The following FER variants were observed in gnomAD, a reference collection of about 807,000 sequenced individuals.
The protein encoded by FER is FER tyrosine kinase, also known as tyrosine-protein kinase Fer.
FER carries 63 observed loss-of-function variants against 111.0 expected under a neutral mutation model. The ratio of observed to expected loss-of-function variants is 0.57; its 90% confidence interval spans 0.46 to 0.70. FER has a LOEUF of 0.70. FER is among the 30% of genes least tolerant of loss of function. The pLI is 0.00. For synonymous variants in FER, 327 were observed against 313.9 expected (o/e 1.04, Z -0.44); for missense variants, 914 against 954.0 (o/e 0.96, Z 0.55).
At chr5:108,874,918 C>T (rs1035514507) in intron 8 of FER, among the ~76,000 whole-genome samples, 4 of 151,678 alleles carry the variant, frequency 2.6e-5, no homozygotes, top group Non-Finnish European at 4.4e-5. Context: ...ATATATAAGC[C>T]CTCTTATAAA....
chr5:108,918,759 T>C (rs920123896), intron 10 of FER, among the ~76,000 whole-genome samples: 2 of 152,018 alleles, frequency 1.3e-5, no homozygotes, highest in Admixed American at 6.5e-5. Flanking sequence ...AGTGCTGGGA[T>C]TACAGGCGTG....
At chr5:108,843,248 T>C (rs1158800022) in intron 5 of FER, among the ~76,000 whole-genome samples, 1 of 152,204 alleles carries the variant, frequency 6.6e-6, no homozygotes, top group African/African-American at 2.4e-5. Flanking sequence ...GTTAATTCAT[T>C]CCTTTTTTAT....
At chr5:108,974,064 T>G (rs1473431685) in intron 13 of FER, among the ~76,000 whole-genome samples, 1 of 152,222 alleles carries the variant, frequency 6.6e-6, no homozygotes, top group Non-Finnish European at 1.5e-5. Context: ...CCCACAGCTC[T>G]TAAGCATTTT....
At chr5:108,969,609 AT>A (rs1160968356) in intron 13 of FER, among the ~76,000 whole-genome samples, 5 of 148,870 alleles carry the variant, frequency 3.4e-5, no homozygotes, top group Non-Finnish European at 7.4e-5. Flanking sequence ...TTACATTTTA[AT>A]TTTTTTGAAC....
intron 14 of FER, among the ~76,000 whole-genome samples, chr5:109,040,233 G>GTA (rs1019939510): frequency 6.6e-6 from 1 of 152,052 alleles, no homozygotes; most frequent in African/African-American, 2.4e-5. Context: ...TACAAATCTG[G>GTA]TAGTTGTTAG....
chr5:108,913,402 G>C (rs182718424), intron 10 of FER, among the ~76,000 whole-genome samples: 73 of 152,260 alleles, frequency 4.8e-4, no homozygotes, highest in African/African-American at 1.7e-3. Flanking sequence ...TCTAGTATCT[G>C]TGTGATAAAG....
chr5:108,808,728 G>C (rs6874773), intron 3 of FER, among the ~76,000 whole-genome samples: 1 of 151,892 alleles, frequency 6.6e-6, no homozygotes, highest in Non-Finnish European at 1.5e-5. Context: ...AGGTATTTTC[G>C]TTGTTGTTGT....
At chr5:108,831,124 G>GT (rs1445436126) in intron 3 of FER, among the ~76,000 whole-genome samples, 1 of 152,098 alleles carries the variant, frequency 6.6e-6, no homozygotes, top group African/African-American at 2.4e-5. Flanking sequence ...CAATTGTGTG[G>GT]TTTTTTGGCT....
At chr5:109,105,387 G>A (rs1028489937) in intron 17 of FER, among the ~76,000 whole-genome samples, 1 of 151,974 alleles carries the variant, frequency 6.6e-6, no homozygotes, top group Non-Finnish European at 1.5e-5. Flanking sequence ...TACTGAAAAT[G>A]ATTACCTAGT....
intron 10 of FER, among the ~76,000 whole-genome samples, chr5:108,936,883 C>T (rs1217403488): frequency 1.3e-5 from 2 of 151,788 alleles, no homozygotes; most frequent in Admixed American, 6.6e-5. Flanking sequence ...TCTTTTAACT[C>T]CCAAGATAGT....
In FER at chr5:108,954,774, G is replaced by A. The variant is rs775035329; in HGVS notation, c.1375G>A (p.Asp459Asn). Residue 459 changes from aspartate to asparagine, a missense_variant, in exon 12 of 20, where the codon GAC becomes AAC. By Grantham distance (23) the Asp-to-Asn change is conservative (BLOSUM62 1). Transcript: ENST00000281092. ...CAGTGAGAAGCCTTTGGCAGAACAG[G>A]ACTGGTACCATGGTGCAATTCCCAG... ...SISEKPLAEQ[D>N]WYHGAIPRIE... 1.6e-5 allele frequency: 25 copies of A among 1,611,526 alleles called. No individual in the cohort carries two copies. In the African/African-American group the frequency reaches 3.2e-4, roughly 21 times the overall value.
chr5:108,891,921 T>C (rs1261054768), intron 9 of FER, among the ~76,000 whole-genome samples: 1 of 152,206 alleles, frequency 6.6e-6, no homozygotes, highest in East Asian at 1.9e-4. Flanking sequence ...GGTGTTTGGT[T>C]TTTTTGTCCT....
rs146949083 is a variant in FER, at chr5:109,186,320, G to A, written c.2324G>A (p.Arg775Lys). ...CAGCAAGCAAGAGAGCAAGTAGAAA[G>A]AGGTGAGCCAAGTACATTCATTGTT... ...TNQQAREQVE[R>K]GYRMSAPQHC... The change falls in exon 19 of 20, where the codon AGA (arginine) becomes AAA (lysine). Residue 775 changes from arginine to lysine, a missense_variant and splice_region_variant. This residue lies in a region of FER where 134 missense variants were observed against 149.4 expected (regional missense o/e 0.90). Coordinates refer to ENST00000281092, the MANE Select transcript of FER (RefSeq NM_005246.4). The A allele has an allele frequency of 1.2e-6, 2 of 1,613,998 alleles. No individual in the cohort carries two copies. Among genetic ancestry groups the A allele is most frequent in the African/African-American group, 2.7e-5 (2 of 74,922 alleles).
At chr5:109,164,921 T>C (rs1231994830) in intron 17 of FER, among the ~76,000 whole-genome samples, 1 of 152,206 alleles carries the variant, frequency 6.6e-6, no homozygotes, top group Non-Finnish European at 1.5e-5. Context: ...TATGTAGTCG[T>C]AATTGTCTCA....
intron 2 of FER, among the ~76,000 whole-genome samples, chr5:108,780,594 T>TTTG (rs926871606): frequency 1.3e-5 from 2 of 152,026 alleles, no homozygotes; most frequent in African/African-American, 4.8e-5. Context: ...GGTGTAGTTT[T>TTTG]TTGTTGTTGT....
chr5:109,016,587 C>G (rs1281951615), intron 13 of FER, among the ~76,000 whole-genome samples: 1 of 151,998 alleles, frequency 6.6e-6, no homozygotes, highest in African/African-American at 2.4e-5. Context: ...ACTGATAAAG[C>G]CATGACCACA....
intron 5 of FER, among the ~76,000 whole-genome samples, chr5:108,861,676 T>G (rs1318062900): frequency 1.3e-5 from 2 of 152,202 alleles, no homozygotes; most frequent in African/African-American, 2.4e-5. Context: ...TTTAAGAGCA[T>G]ATGCATTTAT....
intron 17 of FER, among the ~76,000 whole-genome samples, chr5:109,158,060 G>GA (rs141985372): frequency 0.14 from 21,437 of 150,068 alleles, 1,637 homozygotes; most frequent in Non-Finnish European, 0.17. Context: ...AAAGAAAAAA[G>GA]AAAAAAAAAC....
At chr5:108,858,720 A>G (rs1011046315) in intron 5 of FER, among the ~76,000 whole-genome samples, 8 of 150,104 alleles carry the variant, frequency 5.3e-5, no homozygotes, top group Non-Finnish European at 1.2e-4. Flanking sequence ...TCCATTGATA[A>G]TGCATCTTGA....
Sources: allele counts gnomAD v4.1 joint callset (sites outside exome capture counted in the v4.1 genomes callset), GRCh38; gene constraint gnomAD v4.1.1; regional missense constraint gnomAD v4.1.1; transcripts MANE v1.5; gene names NCBI Gene and HGNC (gene_info 2026-07-23, HGNC 2026-07-21).